OTOF: variants seen among roughly 807,000 people sequenced by gnomAD.
OTOF encodes fer-1-like family member 2.
Under a neutral mutation model 236.8 loss-of-function variants are expected in OTOF, and 218 were observed. The observed-to-expected ratio is 0.92, with a 90% CI of 0.82 to 1.03. The LOEUF (loss-of-function observed/expected upper bound fraction) is 1.03, where lower values mean the gene tolerates loss of function less well. Among genes scored for constraint, OTOF ranks in the 50% least tolerant of loss-of-function variants. The pLI is 0.00. For missense variants in OTOF, 2,590 were observed against 2,694.4 expected (o/e 0.96, Z 0.86); for synonymous variants, 1,041 against 1,072.5 (o/e 0.97, Z 0.57).
intron 5 of OTOF, among the ~76,000 whole-genome samples, chr2:26,505,487 G>T (rs570345423): frequency 2.6e-5 from 4 of 152,032 alleles, no homozygotes; most frequent in South Asian, 4.2e-4. Flanking sequence ...AGGGCCAAAG[G>T]CCTTTCTAGA....
chr2:26,543,885 T>A (rs1667266165), intron 1 of OTOF, among the ~76,000 whole-genome samples: 1 of 152,094 alleles, frequency 6.6e-6, no homozygotes, highest in Non-Finnish European at 1.5e-5. Flanking sequence ...CCTGGCTAAC[T>A]TTTTTTGTAT....
chr2:26,481,319 C>T (rs1286992046), intron 14 of OTOF, among the ~76,000 whole-genome samples: 4 of 152,182 alleles, frequency 2.6e-5, no homozygotes, highest in Admixed American at 6.5e-5. Context: ...CTTCCAAGTC[C>T]GCAGCATGAC....
chr2:26,538,571 G>A (rs1667133669), intron 1 of OTOF, among the ~76,000 whole-genome samples: 1 of 152,244 alleles, frequency 6.6e-6, no homozygotes, highest in African/African-American at 2.4e-5. Flanking sequence ...GGCCCAAGAT[G>A]TGGGGAGAAA....
At chr2:26,509,502 G>A (rs1276134354) in intron 5 of OTOF, among the ~76,000 whole-genome samples, 18 of 152,160 alleles carry the variant, frequency 1.2e-4, no homozygotes, top group South Asian at 2.1e-4. Context: ...TAACAAATGC[G>A]AGTTAGAACT....
intron 3 of OTOF, among the ~76,000 whole-genome samples, chr2:26,522,648 C>T (rs1240102077): frequency 1.3e-5 from 2 of 152,222 alleles, no homozygotes; most frequent in Non-Finnish European, 2.9e-5. Flanking sequence ...GCTCCTTAGA[C>T]AGCTGAGTCA....
rs1049264964 is a variant in OTOF, at chr2:26,462,028, C to G, written c.5291+55G>C. On this transcript the variant is annotated intron_variant, in intron 42 of 46. Transcript: ENST00000272371. This position sits in a 1 kb window ranked among gnomAD's most constrained non-coding sequence, Gnocchi z 4.7. ...TCCCTCTGCCTCCTCTCCTGCCCCCCGGGAAGCAAGCCCCACCCAGCTCAG... is the reference window on the plus strand; with the variant it reads ...TCCCTCTGCCTCCTCTCCTGCCCCCGGGGAAGCAAGCCCCACCCAGCTCAG... 107 of 1,612,220 alleles carry G rather than the reference C, an allele frequency of 6.6e-5. No individual in the cohort carries two copies. The highest frequency in any genetic ancestry group is 8.7e-5 in the Non-Finnish European group (103 of 1,178,934).
chr2:26,479,386 T>G lies in OTOF; in HGVS notation c.2094-2A>C, dbSNP rs1336447382. The G allele has an allele frequency of 6.2e-7, 1 of 1,612,022 alleles. No individual in the cohort carries two copies. Among genetic ancestry groups the G allele is most frequent in the East Asian group, 2.2e-5 (1 of 44,824 alleles). ...AGGTAGGGCAGATGGAAGTAGTTCC[T>G]GGGGTGGGCAGAGGCGGGAGGTGAG... On this transcript the variant is annotated splice_acceptor_variant, in intron 17 of 46. Coordinates refer to ENST00000272371, the MANE Select transcript of OTOF (RefSeq NM_194248.3). LOFTEE classifies it high-confidence loss of function.
chr2:26,537,831 G>C, intron 1 of OTOF, 57 bp from the exon 2 acceptor site: 3 of 1,260,114 alleles, frequency 2.4e-6, no homozygotes, highest in Admixed American at 2.0e-5. Flanking sequence ...GATGAGCATG[G>C]GGTCAGACCT....
chr2:26,530,558 G>A (rs765725016), intron 2 of OTOF, among the ~76,000 whole-genome samples: 9 of 152,144 alleles, frequency 5.9e-5, no homozygotes, highest in Admixed American at 2.0e-4. Flanking sequence ...TCTCTGACTT[G>A]CTCCCACCTT....
intron 8 of OTOF, among the ~76,000 whole-genome samples, chr2:26,500,958 C>T (rs1193849083): frequency 6.6e-6 from 1 of 152,142 alleles, no homozygotes; most frequent in East Asian, 1.9e-4. Flanking sequence ...GCAGTGGCAG[C>T]CAGGTGAGAT....
intron 3 of OTOF, 126 bp downstream of exon 3, chr2:26,527,706 G>T: frequency 1.3e-6 from 1 of 768,538 alleles, no homozygotes; most frequent in Non-Finnish European, 2.4e-6. Context: ...GGTCTTTGAA[G>T]ATCAATCCAG....
chr2:26,531,064 C>T (rs1318195723), intron 2 of OTOF, among the ~76,000 whole-genome samples: 1 of 152,172 alleles, frequency 6.6e-6, no homozygotes, highest in African/African-American at 2.4e-5. Context: ...CTCTACAGCT[C>T]CCTGAAAGAG....
chr2:26,527,992 C>A (rs775908251), intron 2 of OTOF, 72 bp from the exon 3 acceptor site: 1 of 1,077,608 alleles, frequency 9.3e-7, no homozygotes, highest in Non-Finnish European at 1.4e-6. Context: ...GGAGGGGAAT[C>A]TCTTGTGGGG....
chr2:26,481,993 T>C (rs1436289444), intron 14 of OTOF, among the ~76,000 whole-genome samples: 2 of 152,116 alleles, frequency 1.3e-5, no homozygotes, highest in Non-Finnish European at 2.9e-5. Flanking sequence ...TCCTAGGAGG[T>C]AGTCAATCCC....
intron 5 of OTOF, among the ~76,000 whole-genome samples, chr2:26,508,286 G>A (rs72853801): frequency 2.6e-3 from 400 of 152,310 alleles, no homozygotes; most frequent in African/African-American, 9.3e-3. Context: ...TTATCCAAGC[G>A]CCCCTAAATG....
At chr2:26,513,160 G>A (rs983606835) in intron 5 of OTOF, among the ~76,000 whole-genome samples, 10 of 152,286 alleles carry the variant, frequency 6.6e-5, no homozygotes, top group African/African-American at 2.4e-4. Context: ...TTCAGGCAGA[G>A]CCCCCATACT....
chr2:26,492,991 G>T (rs1259974284), intron 9 of OTOF, among the ~76,000 whole-genome samples: 2 of 152,156 alleles, frequency 1.3e-5, no homozygotes, highest in Admixed American at 6.5e-5. Flanking sequence ...TAAGTTAGCA[G>T]AAGTGGCTTC....
intron 10 of OTOF, 55 bp from the exon 11 acceptor site, chr2:26,489,350 A>C: frequency 2.9e-6 from 4 of 1,372,582 alleles, no homozygotes; most frequent in African/African-American, 1.4e-5. Context: ...GAGGCTTTCC[A>C]TGGGGCAGTG....
At chr2:26,486,103 T>C (rs908240826) in intron 11 of OTOF, among the ~76,000 whole-genome samples, 3 of 151,034 alleles carry the variant, frequency 2.0e-5, no homozygotes, top group Admixed American at 2.0e-4. Context: ...AATGGATTAC[T>C]GGATAGAAGG....
Sources: gnomAD v4.1 joint callset for allele counts (sites outside exome capture counted in the v4.1 genomes callset) on GRCh38, gnomAD v4.1.1 for gene constraint, Gnocchi (gnomAD v3.1) non-coding constraint, MANE v1.5 for transcripts, NCBI Gene and HGNC (gene_info 2026-07-23, HGNC 2026-07-21) for gene names.